PICALM: variants seen among roughly 807,000 people sequenced by gnomAD.
The protein encoded by PICALM is phosphatidylinositol binding clathrin assembly protein, also known as phosphatidylinositol-binding clathrin assembly protein.
A neutral mutation model predicts 80.5 loss-of-function variants in PICALM; 40 were observed. That is an observed-to-expected ratio of 0.50 (90% CI 0.39 to 0.65). PICALM has a LOEUF of 0.65. PICALM is among the 30% of genes least tolerant of loss of function. The pLI, the probability that PICALM is intolerant of heterozygous loss-of-function variation, is 0.00. For synonymous variants in PICALM, 288 were observed against 260.3 expected (o/e 1.11, Z -1.02); for missense variants, 676 against 778.9 (o/e 0.87, Z 1.57).
At position 85,976,283 on chromosome 11, in the gene PICALM, T is replaced by G. The variant is rs116291021; in HGVS notation, c.1839+340A>C. On this transcript the variant is annotated intron_variant, in intron 18 of 19. Coordinates refer to ENST00000393346, the MANE Select transcript of PICALM (RefSeq NM_007166.4). ...ACAATTCAAGTGTTAATCCCTCCCA[T>G]GCCCTACAATATCAGGTTATAAGAC... Among the ~76,000 whole-genome samples, 259 of 152,332 alleles carry G rather than the reference T, an allele frequency of 1.7e-3. 2 individuals are homozygous for G. The highest frequency in any genetic ancestry group is 5.9e-3 in the African/African-American group (244 of 41,582).
intron 9 of PICALM, among the ~76,000 whole-genome samples, chr11:86,001,669 A>G (rs1210360933): frequency 6.6e-6 from 1 of 152,226 alleles, no homozygotes; most frequent in Non-Finnish European, 1.5e-5. Context: ...TTCCTTCAAA[A>G]GAAGACTGGT....
intron 1 of PICALM, among the ~76,000 whole-genome samples, chr11:86,063,045 T>C (rs957292813): frequency 7.2e-5 from 11 of 152,168 alleles, no homozygotes; most frequent in African/African-American, 2.7e-4. Context: ...ACCATGAAAT[T>C]AACCATTTCA....
chr11:85,977,384 T>C (rs2094315538), intron 17 of PICALM, among the ~76,000 whole-genome samples: 1 of 152,224 alleles, frequency 6.6e-6, no homozygotes, highest in South Asian at 2.1e-4. Context: ...TCCTACTACT[T>C]TGATTATCTG....
At chr11:85,960,922 T>G (rs140422442) in intron 19 of PICALM, 1 of 306,540 alleles carries the variant, frequency 3.3e-6, no homozygotes, top group East Asian at 8.5e-5. Context: ...GAAAATGGAT[T>G]GTTAAGACAA....
intron 19 of PICALM, chr11:85,974,339 G>GCAT (rs2094204347): frequency 8.5e-6 from 3 of 353,150 alleles, no homozygotes; most frequent in Non-Finnish European, 5.8e-6. Flanking sequence ...CCCTGCTGTA[G>GCAT]CATCATTCTA....
intron 19 of PICALM, among the ~76,000 whole-genome samples, chr11:85,965,807 G>GTTTTCGTTTTT (rs2093861928): frequency 1.3e-5 from 1 of 79,256 alleles, no homozygotes; most frequent in Admixed American, 1.5e-4. Flanking sequence ...TACCCATTTT[G>GTTTTCGTTTTT]TTTTTTTGTT....
rs1565369643 is a variant in PICALM, at chr11:86,003,459, TG to T, written c.808-9del. On this transcript the variant is annotated splice_polypyrimidine_tract_variant and intron_variant, in intron 8 of 19. Transcript: ENST00000393346. ...AAGAAGACTGCTAGGGGCCTGCAATTGTACAAATATTAAGAATTTCATGATA... is the reference window on the plus strand; with the variant it reads ...AAGAAGACTGCTAGGGGCCTGCAATTTACAAATATTAAGAATTTCATGATA... 6.5e-7 allele frequency: 1 copy of T among 1,529,132 alleles called. No individual in the cohort carries two copies. The highest frequency in any genetic ancestry group is 2.3e-5 in the East Asian group (1 of 43,864). 94.7% of individuals were successfully genotyped at this position (1,529,132 alleles called of 1,614,324 possible). A position where few individuals can be genotyped will look rare whatever the true frequency, so the allele number is the denominator to read the frequency against.
chr11:86,053,793 CCTGGACTCAAGCAAT>C (rs2096229223), intron 1 of PICALM, among the ~76,000 whole-genome samples: 1 of 152,096 alleles, frequency 6.6e-6, no homozygotes, highest in Non-Finnish European at 1.5e-5. Context: ...GTCTCAAACT[CCTGGACTCAAGCAAT>C]CTGCCCACCT....
chr11:85,987,771 C>T (rs1312847242), intron 13 of PICALM, among the ~76,000 whole-genome samples: 1 of 152,192 alleles, frequency 6.6e-6, no homozygotes, highest in African/African-American at 2.4e-5. Context: ...GTACCCAGCT[C>T]CCGAGATGGT....
intron 7 of PICALM, among the ~76,000 whole-genome samples, chr11:86,010,278 ACAAT>A (rs2095368848): frequency 6.6e-6 from 1 of 152,156 alleles, no homozygotes; most frequent in African/African-American, 2.4e-5. Context: ...CATAGTTTTC[ACAAT>A]CAATGATAAT....
intron 1 of PICALM, among the ~76,000 whole-genome samples, chr11:86,067,146 A>G (rs1565627414): frequency 6.6e-6 from 1 of 152,250 alleles, no homozygotes; most frequent in Non-Finnish European, 1.5e-5. Context: ...TCATGAGCAC[A>G]GTAACTTGGA....
chr11:86,001,013 T>C, intron 10 of PICALM, 22 bp downstream of exon 10: 2 of 1,613,428 alleles, frequency 1.2e-6, no homozygotes, highest in Non-Finnish European at 1.7e-6. Context: ...TTTTTCGAAA[T>C]AAGGAGAATG....
At chr11:85,976,931 TTCA>T in intron 17 of PICALM, 1 of 299,494 alleles carries the variant, frequency 3.3e-6, no homozygotes, top group East Asian at 5.3e-5. Flanking sequence ...GATCTAAGAT[TTCA>T]TCATGCTTTT....
At chr11:85,967,486 A>G (rs530015817) in intron 19 of PICALM, among the ~76,000 whole-genome samples, 1 of 152,336 alleles carries the variant, frequency 6.6e-6, no homozygotes, top group East Asian at 1.9e-4. Flanking sequence ...TAACATTTCT[A>G]TTTCGAATGA....
chr11:85,963,770 A>G (rs551390724), intron 19 of PICALM, among the ~76,000 whole-genome samples: 4 of 152,100 alleles, frequency 2.6e-5, no homozygotes, highest in South Asian at 2.1e-4. Context: ...CATATAGTCT[A>G]TCTATCAACA....
At chr11:86,005,306 A>G (rs1670345729) in intron 8 of PICALM, among the ~76,000 whole-genome samples, 1 of 152,230 alleles carries the variant, frequency 6.6e-6, no homozygotes, top group Admixed American at 6.5e-5. Flanking sequence ...GCTTACAAAT[A>G]AAAATATTAA....
intron 5 of PICALM, among the ~76,000 whole-genome samples, chr11:86,013,498 C>T (rs1007003949): frequency 2.0e-5 from 3 of 151,878 alleles, no homozygotes; most frequent in African/African-American, 7.3e-5. Context: ...CACACACACA[C>T]ACAGAGGGAG....
At position 85,996,833 on chromosome 11, in the gene PICALM, T is replaced by A; in HGVS notation, c.1251A>T (p.Thr417=). ...PMSTASQVAS[T]WGDPFSATVD... Reference sequence around the variant, plus strand: ...GAATTCATCAATGCTTACCTCCCCATGTACTTGCTACCTGAGAAGCAGTTG... The same window carrying A: ...GAATTCATCAATGCTTACCTCCCCAAGTACTTGCTACCTGAGAAGCAGTTG... Residue 417 remains threonine (T), a synonymous_variant, in exon 12 of 20, where the codon ACA becomes ACT. Coordinates refer to ENST00000393346, the MANE Select transcript of PICALM (RefSeq NM_007166.4). 6.3e-7 allele frequency: 1 copy of A among 1,582,862 alleles called. No homozygotes were observed. Among genetic ancestry groups the A allele is most frequent in the East Asian group, 2.2e-5 (1 of 44,590 alleles).
chr11:86,011,236 G>A, intron 6 of PICALM, 100 bp from the exon 7 acceptor site: 1 of 607,494 alleles, frequency 1.6e-6, no homozygotes, highest in Non-Finnish European at 2.9e-6. Context: ...GTCTCTAAAG[G>A]AGCATACATA....
Sources: gnomAD v4.1 joint callset for allele counts (sites outside exome capture counted in the v4.1 genomes callset) on GRCh38, gnomAD v4.1.1 for gene constraint, MANE v1.5 for transcripts, NCBI Gene and HGNC (gene_info 2026-07-23, HGNC 2026-07-21) for gene names.